Variants in LTF observed in about 807,000 individuals in gnomAD.
LTF encodes the protein epididymis luminal protein 110.
In LTF, 91 loss-of-function variants were observed where a neutral mutation model predicts 87.2. That is an observed-to-expected ratio of 1.04 (90% CI 0.88 to 1.24). The LOEUF is 1.24. LTF is among the 50% of genes most tolerant of loss of function. LTF has a pLI of 0.00. For synonymous variants in LTF, 378 were observed against 356.1 expected (o/e 1.06, Z -0.69); for missense variants, 901 against 904.3 (o/e 1.00, Z 0.05).
At chr3:46,484,807 C>A (rs548352958) in intron 1 of LTF, among the ~76,000 whole-genome samples, 14 of 152,298 alleles carry the variant, frequency 9.2e-5, no homozygotes, top group African/African-American at 2.2e-4. Context: ...CCCACCACCT[C>A]GGGGCAGAGA....
Position 46,446,443 on chromosome 3 carries a change from C to T in LTF, c.1354G>A (p.Glu452Lys), listed in dbSNP as rs778388351. 34 of 1,613,196 alleles carry T rather than the reference C, an allele frequency of 2.1e-5. No homozygotes were observed. The highest frequency in any genetic ancestry group is 2.8e-5 in the Non-Finnish European group (33 of 1,179,500). ...PDPNCVDRPV[E>K]GYLAVAVVRR... Reference sequence around the variant, plus strand: ...AAAGTGGCTAATGCCAACTCACCTTCCACAGGTCTATCCACACAGTTAGGA... The same window carrying T: ...AAAGTGGCTAATGCCAACTCACCTTTCACAGGTCTATCCACACAGTTAGGA... Residue 452 changes from glutamate (E) to lysine (K), a missense_variant, in exon 11 of 17, where the codon GAA (glutamate) becomes AAA (lysine). Coordinates refer to ENST00000231751, the MANE Select transcript of LTF (RefSeq NM_002343.6).
At chr3:46,452,933 A>G (rs1702838619) in intron 6 of LTF, among the ~76,000 whole-genome samples, 1 of 152,240 alleles carries the variant, frequency 6.6e-6, no homozygotes, top group Non-Finnish European at 1.5e-5. Flanking sequence ...GAAGAAGGGC[A>G]TCTTTGAAAT....
chr3:46,468,273 A>C (rs1165847312), upstream of LTF: 1 of 456,670 alleles, frequency 2.2e-6, no homozygotes, highest in African/African-American at 2.0e-5. Context: ...ACACTGGTCT[A>C]TGGGACATCT....
intron 14 of LTF, among the ~76,000 whole-genome samples, chr3:46,439,789 A>G (rs1182765208): frequency 6.6e-6 from 1 of 152,212 alleles, no homozygotes; most frequent in Non-Finnish European, 1.5e-5. Context: ...AAAAGACCAC[A>G]CAATAGGCTG....
chr3:46,473,714 T>A (rs1378003138), intron 1 of LTF, among the ~76,000 whole-genome samples: 17 of 152,210 alleles, frequency 1.1e-4, no homozygotes, highest in Admixed American at 1.1e-3. Flanking sequence ...CACTCTGACC[T>A]TCTTGCCTCC....
chr3:46,482,669 A>AAAGAAAGG (rs1559614860), intron 1 of LTF, among the ~76,000 whole-genome samples: 2 of 105,696 alleles, frequency 1.9e-5, no homozygotes, highest in Non-Finnish European at 3.9e-5. Flanking sequence ...AGAAGGAAGG[A>AAAGAAAGG]AGGAAGGAAG....
chr3:46,482,714 AAG>A (rs758408426), intron 1 of LTF, among the ~76,000 whole-genome samples: 28 of 104,904 alleles, frequency 2.7e-4, no homozygotes, highest in African/African-American at 6.7e-4. Context: ...GAAAGAAAGA[AAG>A]AGAAAGAAAG....
intron 16 of LTF, among the ~76,000 whole-genome samples, chr3:46,436,498 A>G (rs1702389823): frequency 6.6e-6 from 1 of 152,134 alleles, no homozygotes; most frequent in Non-Finnish European, 1.5e-5. Context: ...GATTGAATCG[A>G]CTGTCACATT....
intron 3 of LTF, 62 bp downstream of exon 3, chr3:46,456,228 C>G: frequency 7.2e-7 from 1 of 1,381,674 alleles, no homozygotes; most frequent in Non-Finnish European, 1.0e-6. Context: ...CAGTCTTAAT[C>G]CACACAGCTC....
chr3:46,477,188 G>A (rs1313485819), intron 1 of LTF, among the ~76,000 whole-genome samples: 2 of 152,178 alleles, frequency 1.3e-5, no homozygotes, highest in African/African-American at 4.8e-5. Flanking sequence ...TTTCATTTCA[G>A]CCACTCTGTT....
chr3:46,450,989 A>G (rs1263018429), intron 6 of LTF, among the ~76,000 whole-genome samples: 1 of 152,174 alleles, frequency 6.6e-6, no homozygotes, highest in Non-Finnish European at 1.5e-5. Context: ...CTGCCTGGAA[A>G]AGTCACTTTG....
chr3:46,453,226 A>G (rs1201611821), intron 6 of LTF, among the ~76,000 whole-genome samples: 1 of 152,234 alleles, frequency 6.6e-6, no homozygotes, highest in Non-Finnish European at 1.5e-5. Context: ...AAATGATCAA[A>G]CTCACCAGCT....
upstream of LTF, among the ~76,000 whole-genome samples, chr3:46,467,212 G>GCATTCATTCATTCATTCATT (rs10663529): frequency 6.7e-6 from 1 of 150,122 alleles, no homozygotes; most frequent in African/African-American, 2.5e-5. Flanking sequence ...TCTATTAACA[G>GCATTCATTCATTCATTCATT]CATTCATTCA....
intron 2 of LTF, among the ~76,000 whole-genome samples, chr3:46,458,786 C>G (rs1703005107): frequency 1.3e-5 from 2 of 152,128 alleles, no homozygotes; most frequent in Admixed American, 6.5e-5. Context: ...TGTTGGCCAT[C>G]CTGGTTTTGA....
intron 1 of LTF, among the ~76,000 whole-genome samples, chr3:46,463,139 T>C (rs1313935396): frequency 3.3e-5 from 5 of 152,026 alleles, no homozygotes; most frequent in Admixed American, 3.3e-4. Flanking sequence ...GTCTGGCCCC[T>C]CCAAAATCTT....
In LTF at chr3:46,448,802, A is replaced by T. The variant is rs1702721352; in HGVS notation, c.1212+61T>A. On this transcript the variant is annotated intron_variant, in intron 9 of 16. Coordinates refer to ENST00000231751, the MANE Select transcript of LTF (RefSeq NM_002343.6). Reference sequence around the variant, plus strand: ...TGACTGTTGACTTCACTTTAAGCAGATGCCCAGGCCCTAGGTCTTCCACCG... The same window carrying T: ...TGACTGTTGACTTCACTTTAAGCAGTTGCCCAGGCCCTAGGTCTTCCACCG... 8 of 1,579,892 alleles carry T rather than the reference A, an allele frequency of 5.1e-6. No individual in the cohort carries two copies. In the Admixed American group the frequency reaches 7.9e-5, roughly 16 times the overall value.
intron 1 of LTF, among the ~76,000 whole-genome samples, chr3:46,472,184 C>T (rs1703298625): frequency 6.6e-6 from 1 of 152,090 alleles, no homozygotes; most frequent in Non-Finnish European, 1.5e-5. Flanking sequence ...AGCACAAACT[C>T]ATATGACTTT....
rs1166336167 is a variant in LTF, at chr3:46,441,928, AGAGAGAGTGTGT to A, written c.1656-457_1656-446del. 9.4e-3 allele frequency: 812 copies of A among 86,686 alleles called. 2 individuals carry two copies. The highest frequency in any genetic ancestry group is 0.017 in the South Asian group (36 of 2,140). 5.4% of individuals were successfully genotyped at this position (86,686 alleles called of 1,614,324 possible). A position where few individuals can be genotyped will look rare whatever the true frequency, so the allele number is the denominator to read the frequency against. On this transcript the variant is annotated intron_variant, in intron 13 of 16. Coordinates refer to ENST00000231751, the MANE Select transcript of LTF (RefSeq NM_002343.6). ...GAGAGAGAGAGAGAGAGAGAGAGAG[AGAGAGAGTGTGT>A]GTGTGTGTGTGTGTGTGTGTGTGTG...
chr3:46,481,276 C>G (rs937975126), intron 1 of LTF, among the ~76,000 whole-genome samples: 7 of 152,230 alleles, frequency 4.6e-5, no homozygotes, highest in African/African-American at 1.7e-4. Context: ...GGCTGGCCAG[C>G]TTGTTCCCTT....
Sources: gnomAD v4.1 joint callset for allele counts (sites outside exome capture counted in the v4.1 genomes callset) on GRCh38, gnomAD v4.1.1 for gene constraint, MANE v1.5 for transcripts, NCBI Gene and HGNC (gene_info 2026-07-23, HGNC 2026-07-21) for gene names.